Variants in FLVCR2 observed in about 807,000 individuals in gnomAD.
FLVCR2 encodes the protein choline/ethanolamine transporter FLVCR2.
FLVCR2 carries 38 observed loss-of-function variants against 48.9 expected under a neutral mutation model. The observed-to-expected ratio is 0.78, with a 90% confidence interval of 0.60 to 1.02. The LOEUF (loss-of-function observed/expected upper bound fraction) is 1.02, where lower values mean the gene tolerates loss of function less well. Ranked by LOEUF, FLVCR2 falls within the 50% of genes least tolerant of loss-of-function variation. FLVCR2 has a pLI of 0.00. For synonymous variants in FLVCR2, 255 were observed against 257.0 expected (o/e 0.99, Z 0.07); for missense variants, 664 against 663.3 (o/e 1.00, Z -0.01).
At chr14:75,631,946 TTGGCCCACTG>T (rs1890052057) in intron 3 of FLVCR2, 1 of 428,862 alleles carries the variant, frequency 2.3e-6, no homozygotes, top group Non-Finnish European at 4.7e-6. Flanking sequence ...TCTGGGTTGG[TTGGCCCACTG>T]TGGCTCACTG....
rs1403810887 is a variant in FLVCR2 at position 75,646,560 on chromosome 14, G to A, written c.*88G>A. On this transcript the variant is annotated 3_prime_UTR_variant, in exon 10 of 10. Coordinates refer to ENST00000238667, the MANE Select transcript of FLVCR2 (RefSeq NM_017791.3). The stretch of plus-strand genomic sequence containing the variant: ...ACCGCCAGCACAAAGGGCTTCGCTA[G>A]AGATGTTTTTGGAGGGAATCAGTGG... The A allele has an allele frequency of 1.1e-6, 1 of 951,456 alleles. No individual in the cohort carries two copies. Among genetic ancestry groups the A allele is most frequent in the Admixed American group, 1.9e-5 (1 of 53,556 alleles). 58.9% of individuals were successfully genotyped at this position (951,456 alleles called of 1,614,324 possible). A position where few individuals can be genotyped will look rare whatever the true frequency, so the allele number is the denominator to read the frequency against.
chr14:75,606,464 T>C (rs1300008717), intron 1 of FLVCR2, among the ~76,000 whole-genome samples: 1 of 152,118 alleles, frequency 6.6e-6, no homozygotes, highest in African/African-American at 2.4e-5. Context: ...GAGACACCCA[T>C]TTGAGCACAC....
chr14:75,639,528 C>G, intron 6 of FLVCR2, 66 bp downstream of exon 6: 2 of 1,119,058 alleles, frequency 1.8e-6, no homozygotes, highest in Non-Finnish European at 1.4e-6. Context: ...CTTCCAGCAT[C>G]CTAGAATGCA....
chr14:75,634,831 C>A, intron 4 of FLVCR2, 79 bp from the exon 5 acceptor site: 1 of 911,604 alleles, frequency 1.1e-6, no homozygotes, highest in Non-Finnish European at 1.8e-6. Flanking sequence ...TGCCTTTGTT[C>A]CTTCACCCCA....
intron 1 of FLVCR2, among the ~76,000 whole-genome samples, chr14:75,621,425 GA>G (rs373042192): frequency 1.0e-4 from 15 of 149,346 alleles, no homozygotes; most frequent in African/African-American, 2.0e-4. Context: ...AAAAGAAAAA[GA>G]AAAAAAAAAG....
At chr14:75,592,403 A>G (rs1888908984) in intron 1 of FLVCR2, among the ~76,000 whole-genome samples, 1 of 152,156 alleles carries the variant, frequency 6.6e-6, no homozygotes, top group East Asian at 1.9e-4. Flanking sequence ...GGTCTGTGAC[A>G]GGAGGAATGG....
At chr14:75,588,625 C>T (rs1283189362) in intron 1 of FLVCR2, among the ~76,000 whole-genome samples, 1 of 152,184 alleles carries the variant, frequency 6.6e-6, no homozygotes, top group African/African-American at 2.4e-5. Flanking sequence ...ATTACAGGCA[C>T]CTGTCACCAT....
chr14:75,633,268 G>A (rs1333006243), intron 3 of FLVCR2, among the ~76,000 whole-genome samples: 1 of 152,070 alleles, frequency 6.6e-6, no homozygotes, highest in Non-Finnish European at 1.5e-5. Context: ...AGAGGAGGGT[G>A]TCCAGGACTT....
intron 1 of FLVCR2, chr14:75,606,035 T>G (rs1293776205): frequency 4.9e-6 from 1 of 205,812 alleles, no homozygotes; most frequent in African/African-American, 2.3e-5. Context: ...TGTTTCGTTT[T>G]TTGAAACAGT....
intron 1 of FLVCR2, among the ~76,000 whole-genome samples, chr14:75,605,047 C>T (rs1425813852): frequency 6.6e-6 from 1 of 151,856 alleles, no homozygotes; most frequent in Non-Finnish European, 1.5e-5. Flanking sequence ...GTAGGGGGAC[C>T]GGGCGGGGGG....
chr14:75,638,978 G>A (rs1236554274), intron 5 of FLVCR2, among the ~76,000 whole-genome samples: 5 of 152,172 alleles, frequency 3.3e-5, no homozygotes, highest in Non-Finnish European at 5.9e-5. Flanking sequence ...ACTTTAGCAG[G>A]CCAAGGCAGG....
rs912737110 is a variant in FLVCR2, at chr14:75,579,506, G to T, written c.534G>T (p.Pro178=). 22 of 1,612,596 alleles carry T rather than the reference G, an allele frequency of 1.4e-5. No individual in the cohort carries two copies. The highest frequency in any genetic ancestry group is 4.0e-5 in the African/African-American group (3 of 74,878). ...KLGSLKPHLF[P]VTVVGQLICS... Reference sequence around the variant, plus strand: ...GCAGCCTGAAGCCGCATCTCTTTCCGGTCACCGTGGTGGGCCAGCTCATCT... The same window carrying T: ...GCAGCCTGAAGCCGCATCTCTTTCCTGTCACCGTGGTGGGCCAGCTCATCT... The change falls in exon 1 of 10, where the codon CCG becomes CCT. Residue 178 remains proline (P), a synonymous_variant. Coordinates refer to ENST00000238667, the MANE Select transcript of FLVCR2 (RefSeq NM_017791.3).
chr14:75,631,747 C>T (rs1252368142), intron 3 of FLVCR2: 3 of 455,914 alleles, frequency 6.6e-6, no homozygotes, highest in African/African-American at 4.0e-5. Flanking sequence ...CTCCTTCCCA[C>T]GCTCCACCTC....
rs1261881595 is a variant in FLVCR2, at chr14:75,647,062, C to G, written c.*590C>G. 1.2e-5 allele frequency: 2 copies of G among 167,182 alleles called. No homozygotes were observed. Among genetic ancestry groups the G allele is most frequent in the East Asian group, 3.1e-4 (2 of 6,440 alleles). The allele number at this position is 167,182 out of a possible 1,614,324, so 10.4% of individuals were successfully genotyped here. A position where few individuals can be genotyped will look rare whatever the true frequency, so the allele number is the denominator to read the frequency against. On this transcript the variant is annotated 3_prime_UTR_variant, in exon 10 of 10. Coordinates refer to ENST00000238667, the MANE Select transcript of FLVCR2 (RefSeq NM_017791.3). ...TGGCCTAACGGGTCTGTCTCCAAAC[C>G]CTCTTTCCTAAGAGCTGAGCAAACC...
In FLVCR2 at chr14:75,624,752, G is replaced by T. The variant is rs1301316045; in HGVS notation, c.952G>T (p.Gly318Cys). ...LNFVLLVITY[G>C]LNAGAFYALS... is the part of the protein sequence containing the mutation. ...CTTTGTGCTGCTTGTCATCACCTATGGTAAGGTGTCAATGTGTCTAGGAAT... is the reference window on the plus strand; with the variant it reads ...CTTTGTGCTGCTTGTCATCACCTATTGTAAGGTGTCAATGTGTCTAGGAAT... The change falls in exon 3 of 10, where the codon GGT (glycine) becomes TGT (cysteine). Residue 318 changes from glycine (G) to cysteine (C), a missense_variant and splice_region_variant. Gly to Cys is a radical substitution (Grantham distance 159). Transcript: ENST00000238667. 11 of 1,614,048 alleles carry T rather than the reference G, an allele frequency of 6.8e-6. No individual in the cohort carries two copies. The highest frequency in any genetic ancestry group is 8.5e-6 in the Non-Finnish European group (10 of 1,179,992).
chr14:75,632,655 C>T (rs943543373), intron 3 of FLVCR2: 25 of 702,228 alleles, frequency 3.6e-5, no homozygotes, highest in Non-Finnish European at 5.7e-5. Context: ...GCCCTGTCCA[C>T]AAGCTATGTG....
At chr14:75,596,864 A>G (rs971433406) in intron 1 of FLVCR2, among the ~76,000 whole-genome samples, 2 of 134,004 alleles carry the variant, frequency 1.5e-5, no homozygotes, top group African/African-American at 5.6e-5. Flanking sequence ...GGATCCTTGT[A>G]AAAGTGGAAT....
intron 1 of FLVCR2, among the ~76,000 whole-genome samples, chr14:75,582,770 A>G (rs1888642298): frequency 6.6e-6 from 1 of 152,072 alleles, no homozygotes; most frequent in Non-Finnish European, 1.5e-5. Context: ...TTTAGGATCT[A>G]TGGGGTCAGC....
chr14:75,585,072 TGGCTCAGCCTG>T (rs1888710968), intron 1 of FLVCR2, among the ~76,000 whole-genome samples: 1 of 151,954 alleles, frequency 6.6e-6, no homozygotes, highest in Non-Finnish European at 1.5e-5. Context: ...AATTGGGGCC[TGGCTCAGCCTG>T]GCGAGGAGCA....
Sources: gnomAD v4.1 joint callset for allele counts (sites outside exome capture counted in the v4.1 genomes callset) on GRCh38, gnomAD v4.1.1 for gene constraint, MANE v1.5 for transcripts, NCBI Gene and HGNC (gene_info 2026-07-23, HGNC 2026-07-21) for gene names.